Variants in MGST1 observed in about 807,000 individuals in gnomAD.
MGST1 encodes microsomal glutathione S-transferase 1.
MGST1 carries 5 observed loss-of-function variants against 8.9 expected under a neutral mutation model. That is an observed-to-expected ratio of 0.56 (90% CI 0.29 to 1.19). The LOEUF (loss-of-function observed/expected upper bound fraction) is 1.19, where lower values mean the gene tolerates loss of function less well. MGST1 is among the 50% of genes most tolerant of loss of function. The pLI, the probability that MGST1 is intolerant of heterozygous loss-of-function variation, is 0.08. For missense variants in MGST1, 182 were observed against 187.4 expected, an observed-to-expected ratio of 0.97 and a Z score of 0.17; for synonymous variants, 54 against 67.8, an observed-to-expected ratio of 0.80 and a Z score of 1.00.
intron 4 of MGST1, among the ~76,000 whole-genome samples, chr12:16,507,785 G>C (rs1941549197): frequency 6.6e-6 from 1 of 152,004 alleles, no homozygotes. Context: ...GAACAACAGG[G>C]AGGAAATCTG....
chr12:16,409,335 T>C (rs932521239), intron 1 of MGST1, among the ~76,000 whole-genome samples: 1 of 152,068 alleles, frequency 6.6e-6, no homozygotes, highest in East Asian at 1.9e-4. Context: ...CACACACCTA[T>C]ATATATTCTG....
At chr12:16,352,640 T>C (rs147385140) in intron 1 of MGST1, among the ~76,000 whole-genome samples, 6 of 152,328 alleles carry the variant, frequency 3.9e-5, no homozygotes, top group Admixed American at 6.5e-5. Flanking sequence ...CACCAGTGTG[T>C]CTTGGCCTTC....
At chr12:16,484,818 A>G (rs923358992) in intron 4 of MGST1, among the ~76,000 whole-genome samples, 10 of 152,356 alleles carry the variant, frequency 6.6e-5, no homozygotes, top group Non-Finnish European at 1.0e-4. Context: ...GATCAGGGAC[A>G]TAAATCCAAA....
In MGST1 at chr12:16,513,888, CAGGG is replaced by C. The variant is rs1941593855; in HGVS notation, n.483-75638_483-75635del. The C allele has an allele frequency of 1.7e-5, 10 of 603,184 alleles. No individual in the cohort carries two copies. The Admixed American group carries it at 2.0e-4, about 12-fold the overall frequency. The allele number at this position is 603,184 out of a possible 1,614,324, so 37.4% of individuals were successfully genotyped here. A position where few individuals can be genotyped will look rare whatever the true frequency, so the allele number is the denominator to read the frequency against. On this transcript the variant is annotated intron_variant and non_coding_transcript_variant, in intron 4 of 4. Coordinates refer to the MGST1 transcript ENST00000538857. The surrounding 1 kb of genome is among the most constrained non-coding windows in gnomAD (Gnocchi z 4.2). ...CCTGGGGAAGTCGCACACCCATCTTCAGGGATACTGGCATGCAGCTACAAGGTTA... is the reference window on the plus strand; with the variant it reads ...CCTGGGGAAGTCGCACACCCATCTTCATACTGGCATGCAGCTACAAGGTTA...
chr12:16,386,897 C>G (rs1045939529), intron 1 of MGST1, among the ~76,000 whole-genome samples: 1 of 152,228 alleles, frequency 6.6e-6, no homozygotes, highest in Non-Finnish European at 1.5e-5. Flanking sequence ...CGTCTCTGCA[C>G]AATATACACT....
intron 3 of MGST1, among the ~76,000 whole-genome samples, chr12:16,358,287 C>G (rs938364211): frequency 1.1e-4 from 16 of 152,286 alleles, no homozygotes; most frequent in East Asian, 3.9e-4. Flanking sequence ...TTTGTCTCCC[C>G]TTCTGTACTC....
Position 16,559,583 on chromosome 12 carries a change from T to C in MGST1, n.483-29945T>C, listed in dbSNP as rs910571715. Among the ~76,000 whole-genome samples, 1 of 152,200 alleles carries C rather than the reference T, an allele frequency of 6.6e-6. No homozygotes were observed. The highest frequency in any genetic ancestry group is 1.5e-5 in the Non-Finnish European group (1 of 68,034). ...ATAATAATTGTTTAATTATTAGCTA[T>C]ATCTGGACTGATTCTCAAAGATATT... On this transcript the variant is annotated intron_variant and non_coding_transcript_variant, in intron 4 of 4. Transcript: ENST00000538857. This position sits in a 1 kb window ranked among gnomAD's most constrained non-coding sequence, Gnocchi z 4.1.
intron 3 of MGST1, chr12:16,376,048 T>C (rs1173913776): frequency 2.9e-6 from 3 of 1,029,982 alleles, no homozygotes; most frequent in Admixed American, 3.3e-5. Context: ...TATATAAATG[T>C]ATTTTATGTG....
chr12:16,470,012 T>C (rs1941281871), intron 4 of MGST1, among the ~76,000 whole-genome samples: 1 of 152,234 alleles, frequency 6.6e-6, no homozygotes, highest in Non-Finnish European at 1.5e-5. Context: ...CTGAGGGTTG[T>C]TGAATTGATT....
chr12:16,459,879 T>G (rs1239668107), intron 4 of MGST1, among the ~76,000 whole-genome samples: 1 of 152,066 alleles, frequency 6.6e-6, no homozygotes, highest in Admixed American at 6.6e-5. Flanking sequence ...CGGTTTTGCT[T>G]AAATGACCTA....
rs1229762279 is a variant in MGST1, at chr12:16,537,434, A to C, written n.483-52094A>C. Among the ~76,000 whole-genome samples, 2 of 152,280 alleles carry C rather than the reference A, an allele frequency of 1.3e-5. No homozygotes were observed. The highest frequency in any genetic ancestry group is 4.8e-5 in the African/African-American group (2 of 41,568). Reference sequence around the variant, plus strand: ...GATCTACCATTCTGGGATCTGGAGCATGGTGGCCCTCTTCTCACAGCTCCA... The same window carrying C: ...GATCTACCATTCTGGGATCTGGAGCCTGGTGGCCCTCTTCTCACAGCTCCA... On this transcript the variant is annotated intron_variant and non_coding_transcript_variant, in intron 4 of 4. Transcript: ENST00000538857. This position sits in a 1 kb window ranked among gnomAD's most constrained non-coding sequence, Gnocchi z 4.6.
At chr12:16,470,274 A>G (rs796750453) in intron 4 of MGST1, among the ~76,000 whole-genome samples, 4 of 152,354 alleles carry the variant, frequency 2.6e-5, no homozygotes, top group African/African-American at 9.6e-5. Flanking sequence ...TGAATACTTT[A>G]TCCTGCAATT....
chr12:16,536,815 T>A (rs1400942394), intron 4 of MGST1, among the ~76,000 whole-genome samples: 3 of 152,152 alleles, frequency 2.0e-5, no homozygotes, highest in Non-Finnish European at 4.4e-5. Flanking sequence ...TGATTCAAAT[T>A]ATCTCCTACT....
At chr12:16,393,430 C>A (rs577665224) in intron 1 of MGST1, among the ~76,000 whole-genome samples, 2 of 152,332 alleles carry the variant, frequency 1.3e-5, no homozygotes, top group South Asian at 4.1e-4. Flanking sequence ...CAGGCAAAAC[C>A]TGCAACGAGA....
chr12:16,425,201 G>A (rs1255362184), intron 1 of MGST1, among the ~76,000 whole-genome samples: 1 of 152,098 alleles, frequency 6.6e-6, no homozygotes, highest in Non-Finnish European at 1.5e-5. Flanking sequence ...GGACAGTAAG[G>A]TAGATAGATC....
At chr12:16,575,655 G>C (rs190920499) in intron 4 of MGST1, among the ~76,000 whole-genome samples, 13 of 152,228 alleles carry the variant, frequency 8.5e-5, no homozygotes, top group Admixed American at 2.6e-4. Context: ...GCGTCACATA[G>C]ATAGATAATA....
chr12:16,454,524 A>C (rs965053013), intron 4 of MGST1, among the ~76,000 whole-genome samples: 2 of 151,904 alleles, frequency 1.3e-5, no homozygotes, highest in African/African-American at 2.4e-5. Context: ...ATGAGGAAGA[A>C]GAGAAAGATG....
At chr12:16,527,441 A>C (rs1043296167) in intron 4 of MGST1, among the ~76,000 whole-genome samples, 1 of 152,036 alleles carries the variant, frequency 6.6e-6, no homozygotes, top group Non-Finnish European at 1.5e-5. Flanking sequence ...GGTATGTTGC[A>C]TTAAAATTTT....
At position 16,560,398 on chromosome 12, in the gene MGST1, A is replaced by AAGAG. The variant is rs1303736161; in HGVS notation, n.483-29128_483-29125dup. ...GGTTAACCATTTCTTAGAGACCAAA[A>AAGAG]AGAGACCTGCTTACCTCTGATTACA... On this transcript the variant is annotated intron_variant and non_coding_transcript_variant, in intron 4 of 4. Transcript: ENST00000538857. The surrounding 1 kb of genome is among the most constrained non-coding windows in gnomAD (Gnocchi z 5.0). 2 of 1,610,010 alleles carry AAGAG rather than the reference A, an allele frequency of 1.2e-6. No homozygotes were observed. Among genetic ancestry groups the AAGAG allele is most frequent in the South Asian group, 2.2e-5 (2 of 90,004 alleles).
Sources: gnomAD v4.1 joint callset for allele counts (sites outside exome capture counted in the v4.1 genomes callset) on GRCh38, gnomAD v4.1.1 for gene constraint, Gnocchi (gnomAD v3.1) non-coding constraint, MANE v1.5 for transcripts, NCBI Gene and HGNC (gene_info 2026-07-23, HGNC 2026-07-21) for gene names.